SH3YL1: variants seen among roughly 807,000 people sequenced by gnomAD.
SH3YL1 encodes SH3 domain-containing YSC84-like protein 1.
SH3YL1 carries 41 observed loss-of-function variants against 45.8 expected under a neutral mutation model. That is an observed-to-expected ratio of 0.89 (90% CI 0.70 to 1.16). The LOEUF (loss-of-function observed/expected upper bound fraction) is 1.16. SH3YL1 is among the 50% of genes most tolerant of loss of function. SH3YL1 has a pLI of 0.00. For synonymous variants in SH3YL1, 152 were observed against 151.4 expected (o/e 1.00, Z -0.03); for missense variants, 389 against 409.6 (o/e 0.95, Z 0.43).
chr2:230,839 T>G (rs1667999888), intron 7 of SH3YL1, 184 bp downstream of exon 7: 2 of 602,424 alleles, frequency 3.3e-6, no homozygotes, highest in Admixed American at 6.2e-5. Flanking sequence ...GGACAAATTA[T>G]GTTTTTCCCT....
At chr2:259,960 A>G (rs1048105529) in intron 1 of SH3YL1, 2 of 152,076 alleles carry the variant, frequency 1.3e-5, no homozygotes, top group Admixed American at 1.3e-4. Flanking sequence ...CAAAATTTCT[A>G]TATTTCTATA....
intron 4 of SH3YL1, chr2:243,629 T>C: frequency 6.7e-7 from 1 of 1,488,072 alleles, no homozygotes; most frequent in Non-Finnish European, 8.9e-7. Flanking sequence ...CGAAGAAGAG[T>C]TTAACTAAAC....
chr2:219,153 A>G, intron 9 of SH3YL1, 152 bp from the exon 10 acceptor site: 1 of 550,674 alleles, frequency 1.8e-6, no homozygotes, highest in South Asian at 3.4e-5. Context: ...TTTTCATCAC[A>G]TTATTAAACT....
At chr2:236,301 T>A (rs1179769088) in intron 4 of SH3YL1, among the ~76,000 whole-genome samples, 1 of 152,054 alleles carries the variant, frequency 6.6e-6, no homozygotes, top group Non-Finnish European at 1.5e-5. Flanking sequence ...AGAACCAATG[T>A]CCATCCCAGC....
chr2:231,939 C>T (rs1448361384), intron 6 of SH3YL1, among the ~76,000 whole-genome samples: 3 of 152,010 alleles, frequency 2.0e-5, no homozygotes, highest in East Asian at 3.9e-4. Flanking sequence ...TCCTGAATGA[C>T]TCGGTGGGGT....
At chr2:264,118 C>T, upstream of SH3YL1, 6 of 1,261,280 alleles carry the variant, frequency 4.8e-6, no homozygotes, top group South Asian at 9.1e-5. Flanking sequence ...GCGCAAAACA[C>T]CCGCCGTGTA....
intron 4 of SH3YL1, among the ~76,000 whole-genome samples, chr2:238,414 G>T (rs996187564): frequency 6.6e-6 from 1 of 151,960 alleles, no homozygotes; most frequent in East Asian, 1.9e-4. Flanking sequence ...CCATTCTTAG[G>T]GGGCTTAGAA....
intron 4 of SH3YL1, among the ~76,000 whole-genome samples, chr2:242,367 C>G (rs150261659): frequency 4.9e-4 from 74 of 151,568 alleles, no homozygotes; most frequent in African/African-American, 1.7e-3. Flanking sequence ...ATATGTATAA[C>G]AGTAATAGCA....
At chr2:233,892 G>A (rs890224021) in intron 5 of SH3YL1, among the ~76,000 whole-genome samples, 1 of 152,130 alleles carries the variant, frequency 6.6e-6, no homozygotes, top group African/African-American at 2.4e-5. Flanking sequence ...AGCTTAAGGT[G>A]GATTTTATGT....
At chr2:226,014 T>C (rs1248404520) in intron 8 of SH3YL1, among the ~76,000 whole-genome samples, 1 of 152,128 alleles carries the variant, frequency 6.6e-6, no homozygotes, top group Non-Finnish European at 1.5e-5. Flanking sequence ...ACTAGAATTG[T>C]ATATTGGGGA....
At chr2:221,669 T>G (rs1256625460) in intron 9 of SH3YL1, among the ~76,000 whole-genome samples, 1 of 152,170 alleles carries the variant, frequency 6.6e-6, no homozygotes, top group African/African-American at 2.4e-5. Flanking sequence ...GGCTAAGATG[T>G]GTGTTGACTG....
intron 9 of SH3YL1, among the ~76,000 whole-genome samples, chr2:221,473 T>G (rs1667572126): frequency 6.6e-6 from 1 of 152,212 alleles, no homozygotes; most frequent in South Asian, 2.1e-4. Flanking sequence ...CCTGGTTTGG[T>G]CCCTGCCCTC....
rs566104458 is a variant in SH3YL1 at position 259,686 on chromosome 2, A to G, written c.1+4298T>C. 3.9e-5 allele frequency: 6 copies of G among 151,992 alleles called. No individual in the cohort carries two copies. The South Asian group carries it at 1.2e-3, about 32-fold the overall frequency. 9.4% of individuals were successfully genotyped at this position (151,992 alleles called of 1,614,324 possible). A position where few individuals can be genotyped will look rare whatever the true frequency, so the allele number is the denominator to read the frequency against. ...GGAGAAAAATCAATTCACAAAGAAGAAAATTCAGAAATTAACCCAAATATA... is the reference window on the plus strand; with the variant it reads ...GGAGAAAAATCAATTCACAAAGAAGGAAATTCAGAAATTAACCCAAATATA... On this transcript the variant is annotated intron_variant, in intron 1 of 9. Transcript: ENST00000356150.
chr2:246,252 A>C (rs1668806008), intron 4 of SH3YL1, among the ~76,000 whole-genome samples: 1 of 152,118 alleles, frequency 6.6e-6, no homozygotes, highest in South Asian at 2.1e-4. Flanking sequence ...TAAAATGCTT[A>C]AAGTCTTTCT....
chr2:256,217 C>G (rs965382120), intron 1 of SH3YL1: 1 of 152,182 alleles, frequency 6.6e-6, no homozygotes, highest in African/African-American at 2.4e-5. Flanking sequence ...CATGAAATTA[C>G]TGAGACTCAA....
At chr2:219,309 C>A (rs1005953605) in intron 9 of SH3YL1, among the ~76,000 whole-genome samples, 4 of 151,932 alleles carry the variant, frequency 2.6e-5, no homozygotes, top group Non-Finnish European at 4.4e-5. Context: ...TGTCTGTGTC[C>A]CCCTGAGATT....
intron 7 of SH3YL1, 47 bp downstream of exon 7, chr2:230,976 A>G (rs1668010269): frequency 6.3e-7 from 1 of 1,588,100 alleles, no homozygotes; most frequent in African/African-American, 1.3e-5. Context: ...GTTCTACAGA[A>G]AGAGATTTTC....
chr2:251,465 T>G (rs1236489095), intron 2 of SH3YL1, among the ~76,000 whole-genome samples: 1 of 152,238 alleles, frequency 6.6e-6, no homozygotes, highest in Non-Finnish European at 1.5e-5. Flanking sequence ...ACACCCATGC[T>G]TTGGGGCAAT....
intron 8 of SH3YL1, among the ~76,000 whole-genome samples, chr2:227,298 T>C (rs191591281): frequency 2.0e-5 from 3 of 152,254 alleles, no homozygotes; most frequent in Non-Finnish European, 4.4e-5. Flanking sequence ...ATTTGACCTA[T>C]TATGTCCACT....
Sources: gnomAD v4.1 joint callset for allele counts (sites outside exome capture counted in the v4.1 genomes callset) on GRCh38, gnomAD v4.1.1 for gene constraint, MANE v1.5 for transcripts, NCBI Gene and HGNC (gene_info 2026-07-23, HGNC 2026-07-21) for gene names.